Variants in TCP11L2 observed in about 807,000 individuals in gnomAD.
The protein encoded by TCP11L2 is T-complex protein 11-like protein 2.
In TCP11L2, 39 loss-of-function variants were observed where a neutral mutation model predicts 50.7. The observed-to-expected ratio is 0.77, with a 90% CI of 0.60 to 1.01. The LOEUF is 1.01. Ranked by LOEUF, TCP11L2 falls within the 50% of genes least tolerant of loss-of-function variation. The pLI is 0.00. For missense variants in TCP11L2, 612 were observed against 614.7 expected (o/e 1.00, Z 0.05); for synonymous variants, 192 against 219.3 (o/e 0.88, Z 1.10).
chr12:106,312,433 A>G lies in TCP11L2; in HGVS notation c.157+1201A>G, dbSNP rs1316884388. 7 of 1,208,440 alleles carry G rather than the reference A, an allele frequency of 5.8e-6. No individual in the cohort carries two copies. The East Asian group carries it at 4.1e-4, about 71-fold the overall frequency. The allele number at this position is 1,208,440 out of a possible 1,614,324, so 74.9% of individuals were successfully genotyped here. ...AAAAGAAATTAACAGCAGCCACCCC[A>G]GGTTTCTGTGCCTTTTCTCACTCTT... On this transcript the variant is annotated intron_variant, in intron 2 of 9. Transcript: ENST00000299045.
upstream of TCP11L2, among the ~76,000 whole-genome samples, chr12:106,302,425 C>T (rs1435032824): frequency 1.9e-4 from 26 of 137,312 alleles, no homozygotes; most frequent in African/African-American, 5.9e-4. Context: ...CTCCCCCACT[C>T]GGCCCCGCCC....
At chr12:106,331,415 G>A (rs555913125) in intron 6 of TCP11L2, among the ~76,000 whole-genome samples, 15 of 152,178 alleles carry the variant, frequency 9.9e-5, no homozygotes, top group Admixed American at 7.2e-4. Flanking sequence ...TTTATTCCAC[G>A]GGTGATCACT....
chr12:106,337,531 TTTTA>T (rs2035958389), intron 8 of TCP11L2, among the ~76,000 whole-genome samples: 1 of 152,184 alleles, frequency 6.6e-6, no homozygotes, highest in Non-Finnish European at 1.5e-5. Flanking sequence ...TTCCAGAAAC[TTTTA>T]TTTATTAAGC....
In TCP11L2 at chr12:106,318,362, G is replaced by A; in HGVS notation, c.312G>A (p.Lys104=). The A allele has an allele frequency of 3.7e-6, 6 of 1,613,776 alleles. No homozygotes were observed. Among genetic ancestry groups the A allele is most frequent in the Non-Finnish European group, 4.2e-6 (5 of 1,179,748 alleles). The change falls in exon 4 of 10, where the codon AAG becomes AAA. Residue 104 remains lysine, a synonymous_variant. Coordinates refer to ENST00000299045, the MANE Select transcript of TCP11L2 (RefSeq NM_152772.3). ...LPEKSLAGRV[K]HIVHQAFWDV... is the part of the protein sequence containing the mutation. ...GCCATAGTTTGGCTGGTCGAGTGAA[G>A]CACATTGTTCACCAGGCCTTCTGGG... is the stretch of plus-strand genomic sequence containing the variant.
chr12:106,305,462 A>G (rs989271961), intron 1 of TCP11L2, among the ~76,000 whole-genome samples: 1 of 152,204 alleles, frequency 6.6e-6, no homozygotes, highest in Non-Finnish European at 1.5e-5. Context: ...GAGGAGAGTC[A>G]TCGCTTCCAC....
At chr12:106,316,036 ATGT>A (rs1428380563) in intron 3 of TCP11L2, among the ~76,000 whole-genome samples, 1 of 152,208 alleles carries the variant, frequency 6.6e-6, no homozygotes, top group African/African-American at 2.4e-5. Context: ...CCTCTTGGGG[ATGT>A]TGTTCATTTA....
chr12:106,342,963 T>C (rs2036132088), intron 9 of TCP11L2, among the ~76,000 whole-genome samples: 1 of 152,182 alleles, frequency 6.6e-6, no homozygotes, highest in Non-Finnish European at 1.5e-5. Flanking sequence ...TAAAGCAACT[T>C]TTGTCCACCC....
At chr12:106,327,240 C>G (rs956248523) in intron 6 of TCP11L2, among the ~76,000 whole-genome samples, 1 of 151,986 alleles carries the variant, frequency 6.6e-6, no homozygotes, top group Non-Finnish European at 1.5e-5. Flanking sequence ...ATTGCCCAGG[C>G]TGGGGTGCAG....
At chr12:106,320,074 C>T (rs1162897475) in intron 4 of TCP11L2, among the ~76,000 whole-genome samples, 1 of 152,140 alleles carries the variant, frequency 6.6e-6, no homozygotes, top group Non-Finnish European at 1.5e-5. Context: ...TTGATTTGTT[C>T]AACACTTTTT....
intron 1 of TCP11L2, among the ~76,000 whole-genome samples, chr12:106,306,492 G>A (rs753404934): frequency 1.3e-5 from 2 of 152,080 alleles, no homozygotes; most frequent in Non-Finnish European, 2.9e-5. Flanking sequence ...TTCAAATATT[G>A]TTAACAGTGC....
chr12:106,302,394 TCAGCCC>T (rs1565832100), upstream of TCP11L2, among the ~76,000 whole-genome samples: 7 of 61,916 alleles, frequency 1.1e-4, 1 homozygote, highest in African/African-American at 5.1e-4. Flanking sequence ...CAGCCCCCGC[TCAGCCC>T]CCGCTCAGCC....
chr12:106,302,304 C>T (rs555448486), upstream of TCP11L2, among the ~76,000 whole-genome samples: 2 of 116,884 alleles, frequency 1.7e-5, no homozygotes, highest in East Asian at 2.1e-4. Flanking sequence ...CCCCAGAGCC[C>T]CGCTCAGCCC....
intron 9 of TCP11L2, among the ~76,000 whole-genome samples, chr12:106,344,982 T>A (rs2036189207): frequency 1.3e-5 from 2 of 152,098 alleles, no homozygotes; most frequent in Non-Finnish European, 2.9e-5. Context: ...ATGTGTGAAG[T>A]ACCCTGTAAC....
At chr12:106,298,614 C>G (rs924830488), upstream of TCP11L2, among the ~76,000 whole-genome samples, 2 of 151,484 alleles carry the variant, frequency 1.3e-5, no homozygotes, top group Non-Finnish European at 2.9e-5. Flanking sequence ...CTCCGCCCCC[C>G]AGGTTCAAGC....
chr12:106,312,234 T>A, intron 2 of TCP11L2: 1 of 413,540 alleles, frequency 2.4e-6, no homozygotes, highest in Non-Finnish European at 4.7e-6. Flanking sequence ...AACCATTGAT[T>A]AATCACTGGA....
intron 6 of TCP11L2, among the ~76,000 whole-genome samples, chr12:106,332,615 C>T (rs2035785593): frequency 1.3e-5 from 2 of 152,196 alleles, no homozygotes; most frequent in African/African-American, 4.8e-5. Context: ...TTATTTTTCA[C>T]AGTTCTCAAG....
upstream of TCP11L2, among the ~76,000 whole-genome samples, chr12:106,298,655 G>C (rs181686606): frequency 3.4e-3 from 524 of 152,056 alleles, 6 homozygotes; most frequent in African/African-American, 0.012. Context: ...CCAAGTAGCT[G>C]GGATTACAGG....
chr12:106,322,722 T>C (rs1307062317), intron 5 of TCP11L2, among the ~76,000 whole-genome samples: 2 of 152,196 alleles, frequency 1.3e-5, no homozygotes, highest in Non-Finnish European at 2.9e-5. Flanking sequence ...CTGGTCTGCA[T>C]GTAGTGGGTA....
chr12:106,306,616 C>T (rs2034642403), intron 1 of TCP11L2, among the ~76,000 whole-genome samples: 1 of 152,058 alleles, frequency 6.6e-6, no homozygotes, highest in East Asian at 1.9e-4. Flanking sequence ...GGAACATATT[C>T]TCAACCTTTC....
Sources: gnomAD v4.1 joint callset for allele counts (sites outside exome capture counted in the v4.1 genomes callset) on GRCh38, gnomAD v4.1.1 for gene constraint, MANE v1.5 for transcripts, NCBI Gene and HGNC (gene_info 2026-07-23, HGNC 2026-07-21) for gene names.